The following PTPRR variants were observed in gnomAD, a reference collection of about 807,000 sequenced individuals.
The protein encoded by PTPRR is protein tyrosine phosphatase receptor type R, also known as receptor-type tyrosine-protein phosphatase R.
A neutral mutation model predicts 77.2 loss-of-function variants in PTPRR; 38 were observed. The observed-to-expected ratio is 0.49, with a 90% CI of 0.38 to 0.65. PTPRR has a LOEUF of 0.65. Ranked by LOEUF, PTPRR falls within the 30% of genes least tolerant of loss-of-function variation. PTPRR has a pLI of 0.00. For missense variants in PTPRR, 744 were observed against 799.2 expected, an observed-to-expected ratio of 0.93 and a Z score of 0.83; for synonymous variants, 299 against 283.1, an observed-to-expected ratio of 1.06 and a Z score of -0.57.
At chr12:70,766,468 A>G (rs1447454589) in intron 2 of PTPRR, among the ~76,000 whole-genome samples, 1 of 152,202 alleles carries the variant, frequency 6.6e-6, no homozygotes, top group East Asian at 1.9e-4. Flanking sequence ...TAGAGAAAAA[A>G]GAATAAAAAG....
chr12:70,827,450 C>T (rs934857931), intron 2 of PTPRR, among the ~76,000 whole-genome samples: 6 of 152,098 alleles, frequency 3.9e-5, no homozygotes, highest in African/African-American at 1.2e-4. Context: ...CCCAGTTCCT[C>T]GTTCATAGAC....
chr12:70,797,249 G>T (rs1313215755), intron 2 of PTPRR, among the ~76,000 whole-genome samples: 2 of 152,010 alleles, frequency 1.3e-5, no homozygotes, highest in East Asian at 1.9e-4. Context: ...AGTTATGAAG[G>T]CCTCATCTCT....
chr12:70,862,591 G>A (rs950862093), intron 2 of PTPRR, among the ~76,000 whole-genome samples: 4 of 123,696 alleles, frequency 3.2e-5, no homozygotes, highest in African/African-American at 6.0e-5. Flanking sequence ...GGACTGTTGT[G>A]GGGTGGGGGG....
intron 8 of PTPRR, among the ~76,000 whole-genome samples, chr12:70,692,163 C>G (rs1469642301): frequency 6.6e-6 from 1 of 152,056 alleles, no homozygotes; most frequent in African/African-American, 2.4e-5. Flanking sequence ...TGTTAATGGA[C>G]CCTGTGAATT....
At chr12:70,900,618 A>G (rs1893515777) in intron 1 of PTPRR, among the ~76,000 whole-genome samples, 1 of 151,656 alleles carries the variant, frequency 6.6e-6, no homozygotes, top group Non-Finnish European at 1.5e-5. Flanking sequence ...ATATTTGCAA[A>G]CCACACATCT....
At chr12:70,847,156 C>T (rs1410728803) in intron 2 of PTPRR, among the ~76,000 whole-genome samples, 4 of 152,166 alleles carry the variant, frequency 2.6e-5, no homozygotes, top group Non-Finnish European at 4.4e-5. Context: ...AGAGACCTTG[C>T]TCTGCCACAG....
chr12:70,806,795 T>C (rs574411038), intron 2 of PTPRR, among the ~76,000 whole-genome samples: 3 of 152,278 alleles, frequency 2.0e-5, no homozygotes, highest in Admixed American at 1.3e-4. Flanking sequence ...ACTTCCATGA[T>C]CTTACTCTAA....
intron 2 of PTPRR, among the ~76,000 whole-genome samples, chr12:70,801,611 G>C (rs938815579): frequency 6.6e-6 from 1 of 152,126 alleles, no homozygotes; most frequent in Non-Finnish European, 1.5e-5. Flanking sequence ...TGTATCATCA[G>C]CTCTCCTGGT....
intron 5 of PTPRR, among the ~76,000 whole-genome samples, chr12:70,747,500 T>G (rs1431100692): frequency 1.3e-5 from 2 of 152,176 alleles, no homozygotes; most frequent in Non-Finnish European, 2.9e-5. Flanking sequence ...TGGAGAAATA[T>G]GAATCAACAA....
At chr12:70,835,522 C>T (rs1197315648) in intron 2 of PTPRR, among the ~76,000 whole-genome samples, 1 of 151,988 alleles carries the variant, frequency 6.6e-6, no homozygotes, top group Non-Finnish European at 1.5e-5. Flanking sequence ...TATTCAATAT[C>T]ATCATGAGAT....
intron 2 of PTPRR, among the ~76,000 whole-genome samples, chr12:70,863,765 A>T (rs1671548379): frequency 6.6e-6 from 1 of 152,172 alleles, no homozygotes; most frequent in Non-Finnish European, 1.5e-5. Context: ...AGGATTCAGG[A>T]ACACTCACAT....
intron 6 of PTPRR, among the ~76,000 whole-genome samples, chr12:70,722,263 G>C (rs892069036): frequency 6.6e-6 from 1 of 152,148 alleles, no homozygotes; most frequent in South Asian, 2.1e-4. Flanking sequence ...AAGCCTATCC[G>C]GTCCAACATA....
intron 13 of PTPRR, among the ~76,000 whole-genome samples, chr12:70,654,178 C>T (rs886518905): frequency 6.6e-6 from 1 of 152,072 alleles, no homozygotes; most frequent in African/African-American, 2.4e-5. Flanking sequence ...AAGTGTTTTA[C>T]ATATATTATC....
intron 5 of PTPRR, among the ~76,000 whole-genome samples, chr12:70,750,831 G>A (rs184578403): frequency 6.6e-6 from 1 of 152,184 alleles, no homozygotes; most frequent in Non-Finnish European, 1.5e-5. Context: ...CTGGGCTCAA[G>A]TGCTCCTCCC....
intron 2 of PTPRR, among the ~76,000 whole-genome samples, chr12:70,838,505 T>C (rs570554321): frequency 1.3e-5 from 2 of 152,274 alleles, no homozygotes; most frequent in South Asian, 4.1e-4. Context: ...AGGTCATTGA[T>C]TGAGACTATT....
intron 2 of PTPRR, among the ~76,000 whole-genome samples, chr12:70,878,615 G>A (rs911990822): frequency 3.9e-5 from 6 of 152,184 alleles, no homozygotes; most frequent in Non-Finnish European, 7.3e-5. Flanking sequence ...GTGCTGGAGA[G>A]GATGTGGAGA....
intron 2 of PTPRR, among the ~76,000 whole-genome samples, chr12:70,849,040 A>T (rs988936033): frequency 1.9e-4 from 29 of 152,196 alleles, no homozygotes; most frequent in African/African-American, 7.0e-4. Flanking sequence ...TTTATGTGAA[A>T]ATATGCCCTT....
At chr12:70,873,367 T>C (rs1350635284) in intron 2 of PTPRR, among the ~76,000 whole-genome samples, 2 of 152,064 alleles carry the variant, frequency 1.3e-5, no homozygotes, top group Non-Finnish European at 1.5e-5. Context: ...GAAATGAAGG[T>C]GCCTAGGGAT....
At chr12:70,875,379 C>T (rs947625662) in intron 2 of PTPRR, among the ~76,000 whole-genome samples, 2 of 151,992 alleles carry the variant, frequency 1.3e-5, no homozygotes, top group Non-Finnish European at 2.9e-5. Context: ...TGGAAGAATA[C>T]ATATACATAT....
Sources: gnomAD v4.1 joint callset for allele counts (sites outside exome capture counted in the v4.1 genomes callset) on GRCh38, gnomAD v4.1.1 for gene constraint, MANE v1.5 for transcripts, NCBI Gene and HGNC (gene_info 2026-07-23, HGNC 2026-07-21) for gene names.